The following MINDY2 variants were observed in gnomAD, a reference collection of about 807,000 sequenced individuals.
MINDY2 encodes the protein MINDY lysine 48 deubiquitinase 2.
In MINDY2, 52 loss-of-function variants were observed where a neutral mutation model predicts 68.2. The ratio of observed to expected loss-of-function variants is 0.76; its 90% CI spans 0.61 to 0.96. The LOEUF (loss-of-function observed/expected upper bound fraction) is 0.96, where lower values mean the gene tolerates loss of function less well. MINDY2 is among the 40% of genes least tolerant of loss of function. The probability of loss-of-function intolerance (pLI) is 0.00; values close to 1 mark genes in which losing one functional copy is unlikely to be tolerated. For synonymous variants in MINDY2, 372 were observed against 303.0 expected, an observed-to-expected ratio of 1.23 and a Z score of -2.36; for missense variants, 881 against 773.4, an observed-to-expected ratio of 1.14 and a Z score of -1.65.
chr15:58,826,634 A>G (rs1212176013), intron 5 of MINDY2, among the ~76,000 whole-genome samples: 2 of 152,226 alleles, frequency 1.3e-5, no homozygotes, highest in African/African-American at 4.8e-5. Flanking sequence ...ATTCTCTTAT[A>G]TAAATTCTCC....
intron 5 of MINDY2, among the ~76,000 whole-genome samples, chr15:58,824,887 C>G (rs1323283827): frequency 2.0e-5 from 3 of 152,040 alleles, no homozygotes; most frequent in African/African-American, 7.2e-5. Flanking sequence ...CCAGGCTGGT[C>G]TCAAACTCCT....
At chr15:58,852,584 G>A (rs1274044644) in intron 8 of MINDY2, among the ~76,000 whole-genome samples, 1 of 152,196 alleles carries the variant, frequency 6.6e-6, no homozygotes, top group African/African-American at 2.4e-5. Context: ...TTTGGAGCCA[G>A]ATAAATGTGG....
chr15:58,835,757 T>C (rs1228223297), intron 6 of MINDY2, among the ~76,000 whole-genome samples: 1 of 152,184 alleles, frequency 6.6e-6, no homozygotes, highest in Non-Finnish European at 1.5e-5. Context: ...AGATAGAACA[T>C]GTATGCAAAG....
Position 58,772,127 on chromosome 15 carries a change from C to T in MINDY2, c.732C>T (p.His244=), listed in dbSNP as rs1900470239. Residue 244 remains histidine, a synonymous_variant, in exon 1 of 9, where the codon CAC becomes CAT. Coordinates refer to ENST00000559228, the MANE Select transcript of MINDY2 (RefSeq NM_001040450.3). ...GCTTCCCGGGACAATCTGTGTATCACATCAAGTGGATCCAGTGGAAGGAAG... is the reference window on the plus strand; with the variant it reads ...GCTTCCCGGGACAATCTGTGTATCATATCAAGTGGATCCAGTGGAAGGAAG... The part of the protein sequence containing the change: ...KERFPGQSVY[H]IKWIQWKEEN... 1 of 1,614,142 alleles carries T rather than the reference C, an allele frequency of 6.2e-7. No homozygotes were observed. Among genetic ancestry groups the T allele is most frequent in the Non-Finnish European group, 8.5e-7 (1 of 1,180,018 alleles).
intron 3 of MINDY2, among the ~76,000 whole-genome samples, chr15:58,808,851 G>T (rs573387340): frequency 2.0e-5 from 3 of 152,160 alleles, no homozygotes; most frequent in African/African-American, 7.2e-5. Flanking sequence ...TGATCCACCC[G>T]CCTCAGCCTC....
Position 58,807,450 on chromosome 15 carries a change from G to C in MINDY2, c.964-2780G>C, listed in dbSNP as rs1165558835. On this transcript the variant is annotated intron_variant, in intron 3 of 8. Transcript: ENST00000559228. Reference sequence around the variant, plus strand: ...CACTCACTGCAAGCTCCGCCTCCCGGGTTTACGCCATTCTGCTGCCTCAGC... The same window carrying C: ...CACTCACTGCAAGCTCCGCCTCCCGCGTTTACGCCATTCTGCTGCCTCAGC... Among the ~76,000 whole-genome samples, 5 of 147,602 alleles carry C rather than the reference G, an allele frequency of 3.4e-5. 1 individual carries two copies. The highest frequency in any genetic ancestry group is 1.3e-4 in the African/African-American group (5 of 39,984).
intron 7 of MINDY2, among the ~76,000 whole-genome samples, chr15:58,849,704 T>C (rs896774766): frequency 1.3e-5 from 2 of 152,284 alleles, no homozygotes; most frequent in Middle Eastern, 3.4e-3. Flanking sequence ...ATCCATGAGA[T>C]AGTCATGCTA....
intron 2 of MINDY2, among the ~76,000 whole-genome samples, chr15:58,789,945 T>G (rs1166271900): frequency 6.6e-6 from 1 of 151,150 alleles, no homozygotes; most frequent in Non-Finnish European, 1.5e-5. Flanking sequence ...CCGTGCCTGG[T>G]TAAGTTTTAT....
chr15:58,825,957 A>C (rs2031367656), intron 5 of MINDY2, among the ~76,000 whole-genome samples: 1 of 152,098 alleles, frequency 6.6e-6, no homozygotes, highest in Non-Finnish European at 1.5e-5. Context: ...GCTTATAAAA[A>C]TATTTCTAGG....
chr15:58,772,977 C>A (rs1407201091), intron 1 of MINDY2, among the ~76,000 whole-genome samples: 1 of 152,118 alleles, frequency 6.6e-6, no homozygotes, highest in African/African-American at 2.4e-5. Context: ...AAGGGAAAGA[C>A]CCTTAAAAAT....
At chr15:58,840,582 G>C (rs1277407468) in intron 6 of MINDY2, among the ~76,000 whole-genome samples, 1 of 150,322 alleles carries the variant, frequency 6.7e-6, no homozygotes, top group African/African-American at 2.4e-5. Flanking sequence ...AATTAAACTG[G>C]GCGGATCCTC....
intron 1 of MINDY2, among the ~76,000 whole-genome samples, chr15:58,787,303 A>G (rs1901571906): frequency 6.6e-6 from 1 of 151,434 alleles, no homozygotes; most frequent in Non-Finnish European, 1.5e-5. Flanking sequence ...CCATTTCTTT[A>G]CTTCTTAATA....
chr15:58,847,085 A>G (rs529897121), intron 6 of MINDY2, among the ~76,000 whole-genome samples: 1 of 152,310 alleles, frequency 6.6e-6, no homozygotes, highest in East Asian at 1.9e-4. Flanking sequence ...TTCTTGTTAT[A>G]GTGTAGTGTG....
At chr15:58,831,939 T>C (rs773767131) in intron 6 of MINDY2, 23 bp downstream of exon 6, 5 of 1,593,344 alleles carry the variant, frequency 3.1e-6, no homozygotes, top group Non-Finnish European at 3.4e-6. Flanking sequence ...AATAGCTATT[T>C]AATCGTGATT....
chr15:58,772,276 G>A (rs1900484143), intron 1 of MINDY2, 41 bp downstream of exon 1: 4 of 1,600,762 alleles, frequency 2.5e-6, no homozygotes, highest in Non-Finnish European at 3.4e-6. Flanking sequence ...CTTTTGGGGT[G>A]GAGGAAAACG....
chr15:58,846,783 A>T (rs761982196), intron 6 of MINDY2, among the ~76,000 whole-genome samples: 3 of 152,170 alleles, frequency 2.0e-5, no homozygotes, highest in Non-Finnish European at 4.4e-5. Flanking sequence ...TGTTGTATCT[A>T]TTATTGGTAT....
At chr15:58,811,158 G>A (rs1281498880) in intron 4 of MINDY2, among the ~76,000 whole-genome samples, 1 of 152,200 alleles carries the variant, frequency 6.6e-6, no homozygotes, top group East Asian at 1.9e-4. Flanking sequence ...TTATTTCATA[G>A]GAGCTGGGAC....
At chr15:58,779,484 A>G (rs1177200671) in intron 1 of MINDY2, among the ~76,000 whole-genome samples, 2 of 152,118 alleles carry the variant, frequency 1.3e-5, no homozygotes, top group Non-Finnish European at 2.9e-5. Context: ...AAACATTGTA[A>G]TCACACAAAT....
At chr15:58,783,388 A>G (rs1419175163) in intron 1 of MINDY2, among the ~76,000 whole-genome samples, 1 of 152,178 alleles carries the variant, frequency 6.6e-6, no homozygotes, top group Non-Finnish European at 1.5e-5. Context: ...TTTGGCTAGT[A>G]GTAATTTTTG....
Sources: gnomAD v4.1 joint callset for allele counts (sites outside exome capture counted in the v4.1 genomes callset) on GRCh38, gnomAD v4.1.1 for gene constraint, MANE v1.5 for transcripts, NCBI Gene and HGNC (gene_info 2026-07-23, HGNC 2026-07-21) for gene names.